SFI1: variants seen among roughly 807,000 people sequenced by gnomAD.
SFI1 encodes protein SFI1 homolog.
In SFI1, 195 loss-of-function variants were observed where a neutral mutation model predicts 207.5. The observed-to-expected ratio is 0.94, with a 90% CI of 0.84 to 1.06. The LOEUF is 1.06. Ranked by LOEUF, SFI1 falls within the 50% of genes least tolerant of loss-of-function variation. The probability of loss-of-function intolerance (pLI) is 0.00; values close to 1 mark genes in which losing one functional copy is unlikely to be tolerated. For synonymous variants in SFI1, 630 were observed against 598.9 expected, an observed-to-expected ratio of 1.05 and a Z score of -0.76; for missense variants, 1,634 against 1,588.0, an observed-to-expected ratio of 1.03 and a Z score of -0.49.
chr22:31,580,475 C>T, intron 12 of SFI1, 111 bp downstream of exon 12: 2 of 746,834 alleles, frequency 2.7e-6, no homozygotes, highest in Non-Finnish European at 4.3e-6. Flanking sequence ...ACTTTTTGTG[C>T]TTCAAGATTT....
intron 1 of SFI1, 95 bp downstream of exon 1, chr22:31,496,732 C>A (rs1038570181): frequency 3.9e-5 from 6 of 152,258 alleles, no homozygotes; most frequent in Non-Finnish European, 8.8e-5. Context: ...CCTCCGAGCC[C>A]GGTGAAATCT....
chr22:31,543,809 CAAAAAAAAAAA>C (rs59076091), intron 4 of SFI1, among the ~76,000 whole-genome samples: 1 of 56,650 alleles, frequency 1.8e-5, no homozygotes, highest in Non-Finnish European at 3.8e-5. Flanking sequence ...GACTCCATCT[CAAAAAAAAAAA>C]AAAAAGAAAA....
chr22:31,547,701 C>T (rs2060225528), intron 5 of SFI1, among the ~76,000 whole-genome samples: 1 of 150,872 alleles, frequency 6.6e-6, no homozygotes, highest in Admixed American at 6.6e-5. Flanking sequence ...CTCACTGCAA[C>T]CTCCGCCGCC....
upstream of SFI1, chr22:31,496,362 C>T (rs1385787725): frequency 6.6e-6 from 1 of 152,370 alleles, no homozygotes; most frequent in Non-Finnish European, 1.5e-5. Flanking sequence ...CTCCACGCCC[C>T]TCGAAACCGA....
At chr22:31,597,845 A>G (rs186467918) in intron 15 of SFI1, among the ~76,000 whole-genome samples, 1 of 152,342 alleles carries the variant, frequency 6.6e-6, no homozygotes, top group East Asian at 1.9e-4. Context: ...ATTATGGCTA[A>G]AAATAATTTT....
intron 2 of SFI1, among the ~76,000 whole-genome samples, chr22:31,525,717 CATAGATAGATAGATAGATAG>C (rs71722302): frequency 0.023 from 3,379 of 148,718 alleles, 123 homozygotes; most frequent in Admixed American, 0.077. Flanking sequence ...CTCTGTCATT[CATAGATAGATAGATAGATAG>C]ATAGATAGAT....
chr22:31,612,396 A>ACATAT (rs1331671158), intron 24 of SFI1: 2 of 95,758 alleles, frequency 2.1e-5, no homozygotes, highest in African/African-American at 8.1e-5. Flanking sequence ...AAAAAAAAAA[A>ACATAT]AAATATATAT....
chr22:31,587,743 T>C (rs1387853888), intron 14 of SFI1: 1 of 152,460 alleles, frequency 6.6e-6, no homozygotes, highest in Non-Finnish European at 1.5e-5. Flanking sequence ...TGAAGCTTGA[T>C]GGTAGGGTCA....
Position 31,598,716 on chromosome 22 carries a change from CTTTTTTTTT to C in SFI1, c.1545-3481_1545-3473del, listed in dbSNP as rs71184513. ...ACAGGCATAAGCCACTGCGCCTGGC[CTTTTTTTTT>C]TTTTTTTTTTTTTTGATGAGCAGAA... On this transcript the variant is annotated intron_variant, in intron 15 of 32. Coordinates refer to ENST00000400288, the MANE Select transcript of SFI1 (RefSeq NM_001007467.3). 1.5e-3 allele frequency among the ~76,000 whole-genome samples: 40 copies of C among 26,888 alleles called. 2 individuals carry two copies. The South Asian group carries it at 0.068, about 46-fold the overall frequency. The allele number at this position is 26,888 out of a possible 152,430, so 17.6% of individuals were successfully genotyped here. A position where few individuals can be genotyped will look rare whatever the true frequency, so the allele number is the denominator to read the frequency against.
At chr22:31,544,096 C>T (rs1203289584) in intron 4 of SFI1, among the ~76,000 whole-genome samples, 3 of 151,518 alleles carry the variant, frequency 2.0e-5, no homozygotes, top group African/African-American at 2.4e-5. Flanking sequence ...GACTGAGGCA[C>T]GAGAATAACT....
intron 22 of SFI1, among the ~76,000 whole-genome samples, chr22:31,608,296 A>C (rs920350931): frequency 6.6e-6 from 1 of 152,094 alleles, no homozygotes; most frequent in South Asian, 2.1e-4. Context: ...TGCCTCTCCC[A>C]GCTTGTTTCT....
chr22:31,547,294 G>C (rs984233265), intron 5 of SFI1, among the ~76,000 whole-genome samples: 1 of 151,944 alleles, frequency 6.6e-6, no homozygotes, highest in Admixed American at 6.6e-5. Context: ...AAGTATTCTG[G>C]GTTTTTTGTT....
At chr22:31,579,566 C>T (rs550346910) in intron 11 of SFI1, among the ~76,000 whole-genome samples, 18 of 152,294 alleles carry the variant, frequency 1.2e-4, no homozygotes, top group Non-Finnish European at 1.9e-4. Flanking sequence ...CCGCCCGCCT[C>T]GGCCTCCCAA....
chr22:31,617,976 G>T, intron 31 of SFI1, 139 bp from the exon 32 acceptor site: 1 of 912,788 alleles, frequency 1.1e-6, no homozygotes. Flanking sequence ...GGGGCCTGCA[G>T]TTCAGGTCAG....
intron 5 of SFI1, among the ~76,000 whole-genome samples, chr22:31,548,671 T>C (rs1036061214): frequency 6.7e-6 from 1 of 149,320 alleles, no homozygotes; most frequent in Non-Finnish European, 1.5e-5. Flanking sequence ...TAGCTGGGCA[T>C]GGTGGCATGT....
Position 31,615,069 on chromosome 22 carries a change from T to C in SFI1, c.3090T>C (p.His1030=), listed in dbSNP as rs2071167701. The stretch of plus-strand genomic sequence containing the variant: ...TCAGGCCTCAGAAGCCACAGGAACA[T>C]GGCCTAGGCATGGCTCAGCCAGCAG... The part of the protein sequence containing the change: ...QSQRPQKPQE[H]GLGMAQPAAP... Residue 1030 remains histidine (H), a synonymous_variant, in exon 29 of 33, where the codon CAT becomes CAC. Transcript: ENST00000400288. 6.2e-7 allele frequency: 1 copy of C among 1,610,014 alleles called. No individual in the cohort carries two copies. Among genetic ancestry groups the C allele is most frequent in the Admixed American group, 1.7e-5 (1 of 59,544 alleles).
chr22:31,616,744 G>A lies in SFI1; in HGVS notation c.3301-1G>A. 6.5e-7 allele frequency: 1 copy of A among 1,539,348 alleles called. No homozygotes were observed. The highest frequency in any genetic ancestry group is 8.7e-7 in the Non-Finnish European group (1 of 1,146,782). ...AGCATCTACCCTTCTTTCCTTTGCA[G>A]GTGTCAGCACAGCGGGCTACTCCTA... On this transcript the variant is annotated splice_acceptor_variant, in intron 29 of 32. Coordinates refer to ENST00000400288, the MANE Select transcript of SFI1 (RefSeq NM_001007467.3). LOFTEE classifies it high-confidence loss of function.
At position 31,616,995 on chromosome 22, in the gene SFI1, C is replaced by T. The variant is rs1569473978; in HGVS notation, c.3434-5C>T. 2 of 1,613,974 alleles carry T rather than the reference C, an allele frequency of 1.2e-6. No homozygotes were observed. Among genetic ancestry groups the T allele is most frequent in the Non-Finnish European group, 1.7e-6 (2 of 1,180,022 alleles). On this transcript the variant is annotated splice_region_variant and splice_polypyrimidine_tract_variant and intron_variant, in intron 30 of 32. Coordinates refer to ENST00000400288, the MANE Select transcript of SFI1 (RefSeq NM_001007467.3). Reference sequence around the variant, plus strand: ...TCTGAAACAAGCTTACTTCTGTCGCCATAGGCAGCCTGGACCTTGAGGCTG... The same window carrying T: ...TCTGAAACAAGCTTACTTCTGTCGCTATAGGCAGCCTGGACCTTGAGGCTG...
intron 2 of SFI1, among the ~76,000 whole-genome samples, chr22:31,518,248 G>A (rs1329610847): frequency 2.6e-5 from 4 of 152,104 alleles, no homozygotes; most frequent in Non-Finnish European, 4.4e-5. Flanking sequence ...GCCCGCCTTG[G>A]CCTTCCAAAG....
Sources: allele counts gnomAD v4.1 joint callset (sites outside exome capture counted in the v4.1 genomes callset), GRCh38; gene constraint gnomAD v4.1.1; transcripts MANE v1.5; gene names NCBI Gene and HGNC (gene_info 2026-07-23, HGNC 2026-07-21).